Variants in NXPE3 observed in about 807,000 individuals in gnomAD.
NXPE3 encodes neurexophilin and PC-esterase domain family member 3, also known as NXPE family member 3.
Under a neutral mutation model 46.1 loss-of-function variants are expected in NXPE3, and 26 were observed. The ratio of observed to expected loss-of-function variants is 0.56; its 90% CI spans 0.41 to 0.78. The LOEUF (loss-of-function observed/expected upper bound fraction) is 0.78, where lower values mean the gene tolerates loss of function less well. Ranked by LOEUF, NXPE3 falls within the 30% of genes least tolerant of loss-of-function variation. The pLI, the probability that NXPE3 is intolerant of heterozygous loss-of-function variation, is 0.00. For synonymous variants in NXPE3, 272 were observed against 257.9 expected (o/e 1.05, Z -0.52); for missense variants, 620 against 686.0 (o/e 0.90, Z 1.07).
At chr3:101,789,120 T>C (rs900761028) in intron 4 of NXPE3, among the ~76,000 whole-genome samples, 1 of 152,230 alleles carries the variant, frequency 6.6e-6, no homozygotes, top group African/African-American at 2.4e-5. Flanking sequence ...CAATTTCCAT[T>C]CTGATCTTTA....
chr3:101,780,967 C>T (rs1278184432), intron 1 of NXPE3, among the ~76,000 whole-genome samples: 1 of 152,158 alleles, frequency 6.6e-6, no homozygotes, highest in African/African-American at 2.4e-5. Flanking sequence ...TTGGTTAACC[C>T]ATCATTGTTA....
At chr3:101,819,935 C>T (rs1467857133) in intron 7 of NXPE3, among the ~76,000 whole-genome samples, 1 of 152,214 alleles carries the variant, frequency 6.6e-6, no homozygotes. Context: ...ATTCTACTCT[C>T]TACTTCAACT....
rs1306628178 is a variant in NXPE3 at position 101,825,154 on chromosome 3, T to C, written c.*3200T>C. On this transcript the variant is annotated 3_prime_UTR_variant, in exon 8 of 8. Transcript: ENST00000273347. The stretch of plus-strand genomic sequence containing the variant: ...TTTTTCCTGATCCTCTCCCTCCTCC[T>C]ACCCTCCACCCTCCAATAGACCCCA... 2.0e-5 allele frequency: 3 copies of C among 152,184 alleles called. No individual in the cohort carries two copies. The highest frequency in any genetic ancestry group is 4.8e-5 in the African/African-American group (2 of 41,448). 9.4% of individuals were successfully genotyped at this position (152,184 alleles called of 1,614,324 possible).
At position 101,789,198 on chromosome 3, in the gene NXPE3, A is replaced by G. The variant is rs558756719; in HGVS notation, c.93+3509A>G. Among the ~76,000 whole-genome samples the G allele has an allele frequency of 3.3e-5, 5 of 152,188 alleles. No individual in the cohort carries two copies. In the East Asian group the frequency reaches 9.6e-4, roughly 29 times the overall value. ...CCTAGTTTCTTAAAGTGATAGCTAA[A>G]GTCATTGTTTTGAGATCTTTCTTTT... On this transcript the variant is annotated intron_variant, in intron 4 of 7. Coordinates refer to ENST00000273347, the MANE Select transcript of NXPE3 (RefSeq NM_145037.4).
intron 7 of NXPE3, among the ~76,000 whole-genome samples, chr3:101,819,631 T>G (rs1942157671): frequency 6.6e-6 from 1 of 152,226 alleles, no homozygotes; most frequent in East Asian, 1.9e-4. Context: ...TTAAAAACAT[T>G]CATTTTTAAT....
At position 101,801,870 on chromosome 3, in the gene NXPE3, T is replaced by G; in HGVS notation, c.729T>G (p.Thr243=). 1 of 1,614,202 alleles carries G rather than the reference T, an allele frequency of 6.2e-7. No individual in the cohort carries two copies. Among genetic ancestry groups the G allele is most frequent in the Non-Finnish European group, 8.5e-7 (1 of 1,180,036 alleles). Residue 243 remains threonine, a synonymous_variant, in exon 5 of 8, where the codon ACT becomes ACG. Coordinates refer to ENST00000273347, the MANE Select transcript of NXPE3 (RefSeq NM_145037.4). ...TGTGTAACTTTACAGACCTCTACACTGGGGAGCCCTGGTTCTGCTTCAAAC... is the reference window on the plus strand; with the variant it reads ...TGTGTAACTTTACAGACCTCTACACGGGGGAGCCCTGGTTCTGCTTCAAAC... ...LPLCNFTDLY[T]GEPWFCFKPK...
At chr3:101,808,818 G>GATATAGATATAGATAT (rs71132598) in intron 6 of NXPE3, among the ~76,000 whole-genome samples, 13 of 30,814 alleles carry the variant, frequency 4.2e-4, no homozygotes, top group Non-Finnish European at 5.3e-4. Context: ...AATTTTAGAG[G>GATATAGATATAGATAT]ATATATATAT....
chr3:101,794,889 C>A (rs951069669), intron 4 of NXPE3, among the ~76,000 whole-genome samples: 2 of 152,186 alleles, frequency 1.3e-5, no homozygotes, highest in Non-Finnish European at 2.9e-5. Context: ...TAACTCTTCT[C>A]TACTGAATGG....
intron 4 of NXPE3, among the ~76,000 whole-genome samples, chr3:101,787,998 T>C (rs147396019): frequency 4.7e-4 from 71 of 152,364 alleles, no homozygotes; most frequent in African/African-American, 1.6e-3. Context: ...CATCATTTTT[T>C]ATCCTTATCA....
In NXPE3 at chr3:101,807,138, A is replaced by G. The variant is rs1941454944; in HGVS notation, c.922+12A>G. 1 of 1,598,782 alleles carries G rather than the reference A, an allele frequency of 6.3e-7. No individual in the cohort carries two copies. Among genetic ancestry groups the G allele is most frequent in the Non-Finnish European group, 8.6e-7 (1 of 1,166,534 alleles). On this transcript the variant is annotated intron_variant, in intron 6 of 7. Coordinates refer to ENST00000273347, the MANE Select transcript of NXPE3 (RefSeq NM_145037.4). ...CAGGAGAATAAAAGGTAAAAAAAAGAATAAGCTTGATGATTTGTTGTTTTT... is the reference window on the plus strand; with the variant it reads ...CAGGAGAATAAAAGGTAAAAAAAAGGATAAGCTTGATGATTTGTTGTTTTT...
At chr3:101,814,614 C>T (rs546959111) in intron 6 of NXPE3, among the ~76,000 whole-genome samples, 12 of 152,196 alleles carry the variant, frequency 7.9e-5, no homozygotes, top group African/African-American at 2.9e-4. Context: ...AGGGGAGTCA[C>T]TTAAATTTAA....
intron 5 of NXPE3, among the ~76,000 whole-genome samples, chr3:101,805,411 G>A (rs1941367483): frequency 2.0e-5 from 3 of 147,794 alleles, no homozygotes; most frequent in Non-Finnish European, 4.5e-5. Flanking sequence ...CAATTTTGAT[G>A]TTGCTGTTTT....
chr3:101,781,354 T>C (rs1317182201), intron 1 of NXPE3, among the ~76,000 whole-genome samples: 1 of 152,234 alleles, frequency 6.6e-6, no homozygotes, highest in African/African-American at 2.4e-5. Context: ...CTGATTTTCT[T>C]TGTTTAATAT....
chr3:101,788,867 C>T (rs111518857), intron 4 of NXPE3, among the ~76,000 whole-genome samples: 1 of 152,018 alleles, frequency 6.6e-6, no homozygotes, highest in Non-Finnish European at 1.5e-5. Flanking sequence ...CCACCCACCT[C>T]GGCCTCCCAA....
At chr3:101,791,361 T>C (rs540350052) in intron 4 of NXPE3, among the ~76,000 whole-genome samples, 1 of 152,324 alleles carries the variant, frequency 6.6e-6, no homozygotes, top group African/African-American at 2.4e-5. Context: ...TTATGGAACA[T>C]AAGATTTTCT....
At chr3:101,801,075 C>T (rs1941113188) in intron 4 of NXPE3, among the ~76,000 whole-genome samples, 160 bp from the exon 5 acceptor site, 1 of 152,108 alleles carries the variant, frequency 6.6e-6, no homozygotes, top group Admixed American at 6.5e-5. Flanking sequence ...CTTTCTCTTC[C>T]CGGAAGCCCA....
intron 4 of NXPE3, among the ~76,000 whole-genome samples, chr3:101,798,900 G>A (rs1035953035): frequency 3.3e-5 from 5 of 152,012 alleles, no homozygotes; most frequent in Non-Finnish European, 5.9e-5. Flanking sequence ...GATTACAGGC[G>A]TGAGCCACTG....
chr3:101,809,240 G>A (rs777489341), intron 6 of NXPE3, among the ~76,000 whole-genome samples: 20 of 152,252 alleles, frequency 1.3e-4, no homozygotes, highest in Non-Finnish European at 2.5e-4. Flanking sequence ...AGTAGGAGCA[G>A]AATATCCTGG....
chr3:101,817,520 T>A (rs928629973), intron 7 of NXPE3, among the ~76,000 whole-genome samples: 4 of 152,138 alleles, frequency 2.6e-5, no homozygotes, highest in African/African-American at 9.7e-5. Flanking sequence ...TTGGTGTGAC[T>A]CTGAGATGGA....
Sources: gnomAD v4.1 joint callset for allele counts (sites outside exome capture counted in the v4.1 genomes callset) on GRCh38, gnomAD v4.1.1 for gene constraint, MANE v1.5 for transcripts, NCBI Gene and HGNC (gene_info 2026-07-23, HGNC 2026-07-21) for gene names.